Variants in NBEAL2 observed in about 807,000 individuals in gnomAD.
NBEAL2 encodes neurobeachin like 2, also known as neurobeachin-like protein 2.
NBEAL2 carries 160 observed loss-of-function variants against 299.8 expected under a neutral mutation model. The ratio of observed to expected loss-of-function variants is 0.53; its 90% CI spans 0.47 to 0.61. The LOEUF is 0.61. NBEAL2 is among the 20% of genes least tolerant of loss of function. NBEAL2 has a pLI of 0.00. For missense variants in NBEAL2, 3,112 were observed against 3,649.0 expected, an observed-to-expected ratio of 0.85 and a Z score of 3.79; for synonymous variants, 1,493 against 1,542.3, an observed-to-expected ratio of 0.97 and a Z score of 0.75.
At position 47,000,312 on chromosome 3, in the gene NBEAL2, C is replaced by T. The variant is rs1438972975; in HGVS notation, c.4213C>T (p.His1405Tyr). The change falls in exon 27 of 54, where the codon CAC becomes TAC. Residue 1405 changes from histidine to tyrosine, a missense_variant. By Grantham distance (83) the His-to-Tyr change is moderately conservative (BLOSUM62 2). This residue lies in a region of NBEAL2 where 2,243 missense variants were observed against 2,538.1 expected (regional missense o/e 0.88). Coordinates refer to ENST00000450053, the MANE Select transcript of NBEAL2 (RefSeq NM_015175.3). The surrounding 1 kb of genome is among the most constrained non-coding windows in gnomAD (Gnocchi z 4.5). ...PRPFPAAPGR[H>Y]SSSLSNVLED... is the part of the protein sequence containing the mutation. ...GCCCTTTCCTGCTGCTCCTGGCCGCCACAGCTCCAGTCTCTCCAATGTGCT... is the reference window on the plus strand; with the variant it reads ...GCCCTTTCCTGCTGCTCCTGGCCGCTACAGCTCCAGTCTCTCCAATGTGCT... 1 of 1,612,160 alleles carries T rather than the reference C, an allele frequency of 6.2e-7. No individual in the cohort carries two copies. Among genetic ancestry groups the T allele is most frequent in the Non-Finnish European group, 8.5e-7 (1 of 1,179,340 alleles).
In NBEAL2 at chr3:46,989,484, T is replaced by C. The variant is rs1338308545; in HGVS notation, c.474-27T>C. ...CGGCCAGGAGTGGTGAGAGCCGGGC[T>C]GATGTACTTGGCCTCACTGCCCCCA... On this transcript the variant is annotated intron_variant, in intron 5 of 53. Transcript: ENST00000450053. This position sits in a 1 kb window ranked among gnomAD's most constrained non-coding sequence, Gnocchi z 5.5. 1 of 1,576,342 alleles carries C rather than the reference T, an allele frequency of 6.3e-7. No individual in the cohort carries two copies. Among genetic ancestry groups the C allele is most frequent in the African/African-American group, 1.4e-5 (1 of 73,920 alleles).
chr3:47,006,358 C>T lies in NBEAL2; in HGVS notation c.7043C>T (p.Ala2348Val), dbSNP rs763298804. Residue 2348 changes from alanine (A) to valine (V), a missense_variant, in exon 45 of 54, where the codon GCT becomes GTT. Around this residue, in one of 3 missense-constraint regions of NBEAL2, gnomAD observed 521 missense variants for 729.6 expected, o/e 0.71. Transcript: ENST00000450053. ...GAGCCACATCCAACTCGGCTCTCAG[C>T]TGAGGAAGCAGCCCATCGCCTTGCA... ...LKEPHPTRLS[A>V]EEAAHRLARL... The T allele has an allele frequency of 2.5e-6, 4 of 1,596,754 alleles. No individual in the cohort carries two copies. The highest frequency in any genetic ancestry group is 3.4e-6 in the Non-Finnish European group (4 of 1,171,890).
rs756545134 is a variant in NBEAL2 at position 46,991,447 on chromosome 3, C to T, written c.684C>T (p.Gly228=). 2.9e-5 allele frequency: 47 copies of T among 1,611,128 alleles called. No individual in the cohort carries two copies. Among genetic ancestry groups the T allele is most frequent in the Middle Eastern group, 3.3e-4 (2 of 6,076 alleles). The part of the protein sequence containing the change: ...QMAVSDGSVK[G]LLSVVRGWSR... The stretch of plus-strand genomic sequence containing the variant: ...CTGTAAGTGATGGCTCTGTGAAGGG[C>T]CTGCTGAGTGTGGTGCGGGGCTGGA... The change falls in exon 8 of 54, where the codon GGC becomes GGT. Residue 228 remains glycine (G), a synonymous_variant. Coordinates refer to ENST00000450053, the MANE Select transcript of NBEAL2 (RefSeq NM_015175.3). This position sits in a 1 kb window ranked among gnomAD's most constrained non-coding sequence, Gnocchi z 6.2.
rs1223697603 is a variant in NBEAL2, at chr3:47,003,878, T to C, written c.5783T>C (p.Leu1928Pro). Residue 1928 changes from leucine (L) to proline (P), a missense_variant, in exon 36 of 54, where the codon CTG becomes CCG. Leu to Pro is a moderately conservative substitution (Grantham distance 98). Around this residue, in one of 3 missense-constraint regions of NBEAL2, gnomAD observed 521 missense variants for 729.6 expected, o/e 0.71. Coordinates refer to ENST00000450053, the MANE Select transcript of NBEAL2 (RefSeq NM_015175.3). The surrounding 1 kb of genome is among the most constrained non-coding windows in gnomAD (Gnocchi z 7.0). ...CTGGTGCTGTCGGCCGAGTGCCAGC[T>C]GGTGACGGTAGTGGCCGTGGTCCCA... ...EKLVLSAECQLVTVVAVVPGL... is the reference protein window; with the variant it reads ...EKLVLSAECQPVTVVAVVPGL... The C allele has an allele frequency of 6.2e-7, 1 of 1,613,502 alleles. No individual in the cohort carries two copies. Among genetic ancestry groups the C allele is most frequent in the Admixed American group, 1.7e-5 (1 of 59,950 alleles).
At position 46,998,582 on chromosome 3, in the gene NBEAL2, C is replaced by T; in HGVS notation, c.3221+17C>T. On this transcript the variant is annotated intron_variant, in intron 22 of 53. Transcript: ENST00000450053. ...CCACTACAGGTGAGGCCAGTGGGGC[C>T]AGATGGGCCATGGGGGGCTGACACA... 1 of 1,602,376 alleles carries T rather than the reference C, an allele frequency of 6.2e-7. No homozygotes were observed. The highest frequency in any genetic ancestry group is 8.5e-7 in the Non-Finnish European group (1 of 1,174,702).
chr3:46,995,539 G>A lies in NBEAL2; in HGVS notation c.1804G>A (p.Gly602Ser), dbSNP rs1274974022. ...VPPVQRWPGPGFTFHAWLCLH... is the reference protein window; with the variant it reads ...VPPVQRWPGPSFTFHAWLCLH... ...CCCTGTACAGCGATGGCCAGGGCCT[G>A]GCTTCACCTTTCATGCCTGGCTCTG... is the stretch of plus-strand genomic sequence containing the variant. The change falls in exon 13 of 54, where the codon GGC becomes AGC. Residue 602 changes from glycine (G) to serine (S), a missense_variant. Gly to Ser is a moderately conservative substitution (Grantham distance 56). Around this residue, in one of 3 missense-constraint regions of NBEAL2, gnomAD observed 2,243 missense variants for 2,538.1 expected, o/e 0.88. Coordinates refer to ENST00000450053, the MANE Select transcript of NBEAL2 (RefSeq NM_015175.3). 6.2e-7 allele frequency: 1 copy of A among 1,612,850 alleles called. No homozygotes were observed. The highest frequency in any genetic ancestry group is 8.5e-7 in the Non-Finnish European group (1 of 1,179,890).
rs991490748 is a variant in NBEAL2 at position 46,982,378 on chromosome 3, G to C, written c.51+2466G>C. On this transcript the variant is annotated intron_variant, in intron 1 of 53. Coordinates refer to ENST00000450053, the MANE Select transcript of NBEAL2 (RefSeq NM_015175.3). This position sits in a 1 kb window ranked among gnomAD's most constrained non-coding sequence, Gnocchi z 4.2. The stretch of plus-strand genomic sequence containing the variant: ...TGTGGGTCTGGGTGGGGATGGAGAG[G>C]GGGGAGTAACTCCTTCCTGCCCTTC... Among the ~76,000 whole-genome samples the C allele has an allele frequency of 1.3e-5, 2 of 152,070 alleles. No individual in the cohort carries two copies. Among genetic ancestry groups the C allele is most frequent in the Non-Finnish European group, 2.9e-5 (2 of 67,994 alleles).
intron 45 of NBEAL2, 124 bp from the exon 46 acceptor site, chr3:47,006,942 C>G: frequency 1.3e-6 from 1 of 755,584 alleles, no homozygotes; most frequent in Non-Finnish European, 2.1e-6. Flanking sequence ...GGAACCTCTG[C>G]ATCTGTGACA....
In NBEAL2 at chr3:47,008,632, C is replaced by T. The variant is rs1559624988; in HGVS notation, c.7991C>T (p.Thr2664Ile). The T allele has an allele frequency of 1.9e-6, 3 of 1,613,462 alleles. No homozygotes were observed. Among genetic ancestry groups the T allele is most frequent in the Non-Finnish European group, 1.7e-6 (2 of 1,179,882 alleles). The stretch of plus-strand genomic sequence containing the variant: ...ACAGAGGACTTTGTGTTGCTGGGCA[C>T]CGCCCAGTGCGCCCTGCACATCCTC... ...TVTEDFVLLG[T>I]AQCALHILQL... is the part of the protein sequence containing the mutation. Residue 2664 changes from threonine to isoleucine, a missense_variant, in exon 52 of 54, where the codon ACC becomes ATC. Transcript: ENST00000450053.
At chr3:47,005,350 AGG>A in intron 40 of NBEAL2, 29 bp downstream of exon 40, 1 of 1,602,170 alleles carries the variant, frequency 6.2e-7, no homozygotes. Flanking sequence ...TGGGCAGACT[AGG>A]GGGCAGATAA....
At chr3:47,007,951 G>C in intron 49 of NBEAL2, 41 bp downstream of exon 49, 2 of 1,593,410 alleles carry the variant, frequency 1.3e-6, no homozygotes, top group Non-Finnish European at 1.7e-6. Flanking sequence ...CCGTAGCCCA[G>C]ACCTGCAGCC....
rs376364324 is a variant in NBEAL2, at chr3:46,994,419, T to C, written c.1198-36T>C. 5 of 1,543,636 alleles carry C rather than the reference T, an allele frequency of 3.2e-6. No homozygotes were observed. The African/African-American group carries it at 6.8e-5, about 21-fold the overall frequency. On this transcript the variant is annotated intron_variant, in intron 11 of 53. Transcript: ENST00000450053. ...GTCTGAGTTTGCCCTCCGGCCCATG[T>C]ATGTGTTCACTTCTTCCCCATACTA...
intron 45 of NBEAL2, 77 bp from the exon 46 acceptor site, chr3:47,006,989 A>C: frequency 1.6e-6 from 2 of 1,216,742 alleles, no homozygotes; most frequent in Non-Finnish European, 2.3e-6. Flanking sequence ...CAGTAAAGGA[A>C]GGGATGATGC....
chr3:47,008,250 T>C (rs1303108575), intron 50 of NBEAL2, 33 bp from the exon 51 acceptor site: 1 of 1,613,080 alleles, frequency 6.2e-7, no homozygotes, highest in Non-Finnish European at 8.5e-7. Context: ...GAGCCCAGAC[T>C]CCTGCCCAGG....
chr3:47,004,647 G>A lies in NBEAL2; in HGVS notation c.6294+57G>A. On this transcript the variant is annotated intron_variant, in intron 38 of 53. Coordinates refer to ENST00000450053, the MANE Select transcript of NBEAL2 (RefSeq NM_015175.3). This position sits in a 1 kb window ranked among gnomAD's most constrained non-coding sequence, Gnocchi z 5.0. Reference sequence around the variant, plus strand: ...TGCCCCTCTGACCTGTCAGCCCTTGGTTCCCCCAAGTGTAGGTACCTGCCA... The same window carrying A: ...TGCCCCTCTGACCTGTCAGCCCTTGATTCCCCCAAGTGTAGGTACCTGCCA... The A allele has an allele frequency of 1.3e-6, 2 of 1,543,362 alleles. No individual in the cohort carries two copies. The highest frequency in any genetic ancestry group is 1.8e-6 in the Non-Finnish European group (2 of 1,117,644).
Position 46,988,123 on chromosome 3 carries a change from G to A in NBEAL2, c.52-546G>A, listed in dbSNP as rs758428792. On this transcript the variant is annotated intron_variant, in intron 1 of 53. Transcript: ENST00000450053. This position sits in a 1 kb window ranked among gnomAD's most constrained non-coding sequence, Gnocchi z 4.4. The stretch of plus-strand genomic sequence containing the variant: ...GAGGTTCCCGGGGCAAGGCAGGGCC[G>A]CACATGAGGATGTGCGCATGTCTGG... 44 of 1,138,964 alleles carry A rather than the reference G, an allele frequency of 3.9e-5. No individual in the cohort carries two copies. Among genetic ancestry groups the A allele is most frequent in the Non-Finnish European group, 4.5e-5 (40 of 897,268 alleles). The allele number at this position is 1,138,964 out of a possible 1,614,324, so 70.6% of individuals were successfully genotyped here. A position where few individuals can be genotyped will look rare whatever the true frequency, so the allele number is the denominator to read the frequency against.
rs2037310121 is a variant in NBEAL2 at position 47,004,915 on chromosome 3, G to T, written c.6295-57G>T. ...CTTCTTGAGGGTGTGGGCAGGGCAG[G>T]GTGGGCTGGTAGGCCATCAGGGCCC... On this transcript the variant is annotated intron_variant, in intron 38 of 53. Transcript: ENST00000450053. The surrounding 1 kb of genome is among the most constrained non-coding windows in gnomAD (Gnocchi z 5.0). The T allele has an allele frequency of 6.4e-7, 1 of 1,564,684 alleles. No individual in the cohort carries two copies. The highest frequency in any genetic ancestry group is 1.4e-5 in the African/African-American group (1 of 73,756).
intron 18 of NBEAL2, 29 bp downstream of exon 18, chr3:46,997,075 C>T: frequency 6.3e-7 from 1 of 1,596,898 alleles, no homozygotes; most frequent in Non-Finnish European, 8.6e-7. Context: ...GTGGTGTGTG[C>T]AGGAGGCATG....
At chr3:46,993,046 CG>C (rs1321948034) in intron 10 of NBEAL2, among the ~76,000 whole-genome samples, 1 of 152,218 alleles carries the variant, frequency 6.6e-6, no homozygotes, top group Non-Finnish European at 1.5e-5. Flanking sequence ...AGCTTCACAG[CG>C]GGCACCCTTT....
Sources: allele counts gnomAD v4.1 joint callset (sites outside exome capture counted in the v4.1 genomes callset), GRCh38; gene constraint gnomAD v4.1.1; regional missense constraint gnomAD v4.1.1; non-coding constraint Gnocchi (gnomAD v3.1); transcripts MANE v1.5; gene names NCBI Gene and HGNC (gene_info 2026-07-23, HGNC 2026-07-21).